The following PEX1 variants were observed in gnomAD, a reference collection of about 807,000 sequenced individuals.
PEX1 encodes the protein peroxisomal biogenesis factor 1.
In PEX1, 97 loss-of-function variants were observed where a neutral mutation model predicts 152.5. The observed-to-expected ratio is 0.64, with a 90% CI of 0.54 to 0.75. The LOEUF (loss-of-function observed/expected upper bound fraction) is 0.75. PEX1 is among the 30% of genes least tolerant of loss of function. The probability of loss-of-function intolerance (pLI) is 0.00; values close to 1 mark genes in which losing one functional copy is unlikely to be tolerated. For missense variants in PEX1, 1,357 were observed against 1,516.3 expected (o/e 0.89, Z 1.74); for synonymous variants, 485 against 531.6 (o/e 0.91, Z 1.21).
Position 92,489,650 on chromosome 7 carries a change from A to G in PEX1, c.3636+64T>C, listed in dbSNP as rs1791166519. 3.5e-6 allele frequency: 5 copies of G among 1,434,378 alleles called. No homozygotes were observed. The African/African-American group carries it at 7.0e-5, about 20-fold the overall frequency. 88.9% of individuals were successfully genotyped at this position (1,434,378 alleles called of 1,614,324 possible). On this transcript the variant is annotated intron_variant, in intron 22 of 23. Coordinates refer to ENST00000248633, the MANE Select transcript of PEX1 (RefSeq NM_000466.3). ...TCGTTTATAAGTCAAAGAAATATAT[A>G]TCAAAAGGGTGAAACAATTTTTAAG...
chr7:92,497,407 A>G (rs947670467), intron 16 of PEX1, among the ~76,000 whole-genome samples: 7 of 152,082 alleles, frequency 4.6e-5, no homozygotes, highest in African/African-American at 1.7e-4. Flanking sequence ...ATGTATTTTC[A>G]TAGGAGTTAA....
At chr7:92,489,941 G>A in intron 21 of PEX1, 30 bp from the exon 22 acceptor site, 1 of 1,541,954 alleles carries the variant, frequency 6.5e-7, no homozygotes, top group Non-Finnish European at 9.0e-7. Context: ...AATGAAAGAT[G>A]GAAGGAAGAG....
intron 3 of PEX1, 21 bp downstream of exon 3, chr7:92,518,974 T>G: frequency 6.5e-7 from 1 of 1,530,620 alleles, no homozygotes; most frequent in Non-Finnish European, 9.1e-7. Context: ...AATGAGATAG[T>G]TCTTATTTGG....
At chr7:92,489,579 C>T in intron 22 of PEX1, 135 bp downstream of exon 22, 1 of 1,017,008 alleles carries the variant, frequency 9.8e-7, no homozygotes, top group South Asian at 1.4e-5. Context: ...AAGCACATAA[C>T]CATGACTGAG....
intron 14 of PEX1, 49 bp from the exon 15 acceptor site, chr7:92,501,722 G>T: frequency 1.3e-6 from 2 of 1,518,008 alleles, no homozygotes; most frequent in Non-Finnish European, 1.8e-6. Context: ...TTCACTATAT[G>T]AATTTTCAAA....
At chr7:92,502,740 G>GA (rs1042429300) in intron 13 of PEX1, among the ~76,000 whole-genome samples, 11 of 150,848 alleles carry the variant, frequency 7.3e-5, no homozygotes, top group Non-Finnish European at 1.6e-4. Context: ...TGTGATGGTG[G>GA]AAAAAAAAAG....
chr7:92,489,176 A>G, intron 23 of PEX1, 117 bp downstream of exon 23: 1 of 963,634 alleles, frequency 1.0e-6, no homozygotes, highest in East Asian at 2.7e-5. Context: ...TATTTTTTGA[A>G]TTAGCTTTTA....
chr7:92,527,876 A>G (rs559311399), intron 1 of PEX1, among the ~76,000 whole-genome samples: 1 of 152,364 alleles, frequency 6.6e-6, no homozygotes, highest in South Asian at 2.1e-4. Flanking sequence ...CGCGGTGCTT[A>G]GTCCCCGGGA....
rs1793393956 is a variant in PEX1 at position 92,528,299 on chromosome 7, C to T, written c.129+8G>A. 1.9e-6 allele frequency: 3 copies of T among 1,554,210 alleles called. No individual in the cohort carries two copies. The highest frequency in any genetic ancestry group is 1.7e-6 in the Non-Finnish European group (2 of 1,150,722). Reference sequence around the variant, plus strand: ...TGAAGATCAGGTGGCTCGGGGCCGGCAGGTTACCTGCAGCAGATGCAGCTG... The same window carrying T: ...TGAAGATCAGGTGGCTCGGGGCCGGTAGGTTACCTGCAGCAGATGCAGCTG... On this transcript the variant is annotated splice_region_variant and intron_variant, in intron 1 of 23. Coordinates refer to ENST00000248633, the MANE Select transcript of PEX1 (RefSeq NM_000466.3).
intron 15 of PEX1, among the ~76,000 whole-genome samples, chr7:92,500,995 T>C (rs1791895833): frequency 6.6e-6 from 1 of 152,246 alleles, no homozygotes; most frequent in African/African-American, 2.4e-5. Context: ...ACAGTTCATC[T>C]TGCTTTACTA....
intron 17 of PEX1, among the ~76,000 whole-genome samples, chr7:92,496,278 A>G (rs1054347502): frequency 2.0e-5 from 3 of 152,100 alleles, no homozygotes; most frequent in South Asian, 2.1e-4. Context: ...CTGTATTCAT[A>G]TACAGTTTTT....
rs756641377 is a variant in PEX1, at chr7:92,517,377, T to G, written c.1138A>C (p.Lys380Gln). Residue 380 changes from lysine (K) to glutamine (Q), a missense_variant, in exon 5 of 24, where the codon AAG (lysine) becomes CAG (glutamine). Physicochemically the swap from Lys to Gln is moderately conservative, Grantham distance 53. Coordinates refer to ENST00000248633, the MANE Select transcript of PEX1 (RefSeq NM_000466.3). ...IRSDHNEEDE[K>Q]ACVLQVVWNG... ...CAGACTACTTGTAGCACACAGGCCT[T>G]CTCATCTTCTTCATTATGATCTGAC... 7.4e-6 allele frequency: 12 copies of G among 1,613,684 alleles called. No individual in the cohort carries two copies. The East Asian group carries it at 2.7e-4, about 36-fold the overall frequency.
At chr7:92,518,116 C>T (rs769516058) in intron 4 of PEX1, 25 bp downstream of exon 4, 2 of 1,603,242 alleles carry the variant, frequency 1.2e-6, no homozygotes, top group Non-Finnish European at 1.7e-6. Flanking sequence ...TAGAATATGA[C>T]AGCAAATATT....
chr7:92,497,587 G>C (rs1345052029), intron 16 of PEX1, among the ~76,000 whole-genome samples: 1 of 152,024 alleles, frequency 6.6e-6, no homozygotes, highest in Non-Finnish European at 1.5e-5. Flanking sequence ...AAAAAAACCT[G>C]AATAGGTCCT....
chr7:92,497,062 T>C (rs902140889), intron 16 of PEX1, among the ~76,000 whole-genome samples: 4 of 152,152 alleles, frequency 2.6e-5, no homozygotes, highest in African/African-American at 9.7e-5. Flanking sequence ...TCCTGACAAG[T>C]CCATCTATGA....
rs1193165406 is a variant in PEX1, at chr7:92,528,292, G to A, written c.129+15C>T. 6.4e-7 allele frequency: 1 copy of A among 1,551,582 alleles called. No individual in the cohort carries two copies. Among genetic ancestry groups the A allele is most frequent in the Non-Finnish European group, 8.7e-7 (1 of 1,149,142 alleles). Reference sequence around the variant, plus strand: ...CCCAGGCTGAAGATCAGGTGGCTCGGGGCCGGCAGGTTACCTGCAGCAGAT... The same window carrying A: ...CCCAGGCTGAAGATCAGGTGGCTCGAGGCCGGCAGGTTACCTGCAGCAGAT... On this transcript the variant is annotated intron_variant, in intron 1 of 23. Coordinates refer to ENST00000248633, the MANE Select transcript of PEX1 (RefSeq NM_000466.3).
chr7:92,503,646 T>A (rs944491382), intron 12 of PEX1, among the ~76,000 whole-genome samples: 4 of 152,124 alleles, frequency 2.6e-5, no homozygotes, highest in Non-Finnish European at 5.9e-5. Flanking sequence ...AGGTCAGAAC[T>A]GAAATAGGCA....
chr7:92,511,729 A>T (rs764313346), intron 6 of PEX1, 26 bp from the exon 7 acceptor site: 1 of 1,601,032 alleles, frequency 6.2e-7, no homozygotes, highest in South Asian at 1.1e-5. Context: ...ATAGTAATGA[A>T]TTATCCTCAT....
At chr7:92,518,849 C>A in intron 3 of PEX1, 146 bp downstream of exon 3, 1 of 690,256 alleles carries the variant, frequency 1.4e-6, no homozygotes, top group Non-Finnish European at 2.6e-6. Flanking sequence ...GGACTATAGG[C>A]ATGAGCTACT....
Sources: allele counts gnomAD v4.1 joint callset (sites outside exome capture counted in the v4.1 genomes callset), GRCh38; gene constraint gnomAD v4.1.1; transcripts MANE v1.5; gene names NCBI Gene and HGNC (gene_info 2026-07-23, HGNC 2026-07-21).